TMEM243: variants seen among roughly 807,000 people sequenced by gnomAD.
TMEM243 encodes the protein transmembrane protein 243, also known as MDR1 and mitochondrial taxol resistance associated.
TMEM243 carries 20 observed loss-of-function variants against 15.0 expected under a neutral mutation model. That is an observed-to-expected ratio of 1.33 (90% CI 0.94 to 1.93). The LOEUF (loss-of-function observed/expected upper bound fraction) is 1.93, where lower values mean the gene tolerates loss of function less well. TMEM243 is among the 30% of genes most tolerant of loss of function. TMEM243 has a pLI of 0.00. For synonymous variants in TMEM243, 72 were observed against 52.7 expected, an observed-to-expected ratio of 1.37 and a Z score of -1.59; for missense variants, 156 against 142.1, an observed-to-expected ratio of 1.10 and a Z score of -0.50.
intron 1 of TMEM243, among the ~76,000 whole-genome samples, chr7:87,209,055 TG>T (rs1042774089): frequency 6.6e-6 from 1 of 152,224 alleles, no homozygotes; most frequent in African/African-American, 2.4e-5. Flanking sequence ...TTATTTTGGG[TG>T]GACTGCCCCT....
intron 1 of TMEM243, among the ~76,000 whole-genome samples, chr7:87,209,308 G>C (rs1366529080): frequency 6.6e-6 from 1 of 151,810 alleles, no homozygotes; most frequent in Admixed American, 6.6e-5. Context: ...ATGAGGGGGT[G>C]GGAAAGGGTG....
intron 2 of TMEM243, 181 bp from the exon 3 acceptor site, chr7:87,198,226 T>A (rs530924705): frequency 3.9e-5 from 20 of 506,980 alleles, no homozygotes; most frequent in South Asian, 1.7e-4. Flanking sequence ...TTTTAGTACT[T>A]CTTTTCTAAA....
intron 1 of TMEM243, among the ~76,000 whole-genome samples, chr7:87,210,344 T>A (rs1347298108): frequency 1.3e-5 from 2 of 152,160 alleles, no homozygotes; most frequent in African/African-American, 4.8e-5. Flanking sequence ...AAACCAATCA[T>A]GCCTTCCCAA....
chr7:87,197,201 C>T (rs769990303), intron 3 of TMEM243, among the ~76,000 whole-genome samples: 9 of 152,054 alleles, frequency 5.9e-5, no homozygotes, highest in Non-Finnish European at 1.0e-4. Context: ...GGAAAGCTCC[C>T]AAAGTGGGAT....
intron 1 of TMEM243, among the ~76,000 whole-genome samples, chr7:87,207,774 C>A (rs150947273): frequency 1.3e-5 from 2 of 152,304 alleles, no homozygotes; most frequent in South Asian, 2.1e-4. Flanking sequence ...GACAGCATCG[C>A]AGGGAGTCCT....
chr7:87,220,008 G>A (rs2129243717), upstream of TMEM243, among the ~76,000 whole-genome samples: 1 of 152,352 alleles, frequency 6.6e-6, no homozygotes, highest in Non-Finnish European at 1.5e-5. Flanking sequence ...ATGTTCAAGG[G>A]AGAAAAAGTT....
At chr7:87,200,007 C>T in intron 1 of TMEM243, among the ~76,000 whole-genome samples, 1 of 152,038 alleles carries the variant, frequency 6.6e-6, no homozygotes, top group East Asian at 1.9e-4. Context: ...GAACATGCCG[C>T]CAATAAACAA....
intron 1 of TMEM243, among the ~76,000 whole-genome samples, chr7:87,218,397 G>C (rs1211333372): frequency 6.6e-6 from 1 of 152,176 alleles, no homozygotes; most frequent in African/African-American, 2.4e-5. Context: ...AAAAAATAAA[G>C]TAGTCCTGTG....
chr7:87,196,856 A>G (rs1158079801), intron 3 of TMEM243, 98 bp from the exon 4 acceptor site: 2 of 809,934 alleles, frequency 2.5e-6, no homozygotes, highest in Admixed American at 2.9e-5. Flanking sequence ...CCCCTAAATG[A>G]GACAGACATT....
At position 87,217,531 on chromosome 7, in the gene TMEM243, T is replaced by C. The variant is rs148594113; in HGVS notation, c.78+1895A>G. ...CTCTCAGATGTGGCATCTCCATTTA[T>C]AAGATACATGTTTTCTCCCACCTCA... On this transcript the variant is annotated intron_variant, in intron 1 of 3. Coordinates refer to ENST00000257637, the MANE Select transcript of TMEM243 (RefSeq NM_024315.4). 1.3e-3 allele frequency among the ~76,000 whole-genome samples: 195 copies of C among 152,354 alleles called. No homozygotes were observed. The South Asian group carries it at 0.013, about 10-fold the overall frequency.
chr7:87,196,505 ATT>A lies in TMEM243; in HGVS notation c.*129_*130del, dbSNP rs869135806. On this transcript the variant is annotated 3_prime_UTR_variant, in exon 4 of 4. Transcript: ENST00000257637. ...GTCTCCCTTGCAAGAGGGAATTAAC[ATT>A]TACAATTAACATGAAAATCATGTAT... The A allele has an allele frequency of 3.0e-5, 28 of 947,864 alleles. No individual in the cohort carries two copies. Among genetic ancestry groups the A allele is most frequent in the African/African-American group, 2.8e-4 (16 of 57,586 alleles). The allele number at this position is 947,864 out of a possible 1,614,324, so 58.7% of individuals were successfully genotyped here. A position where few individuals can be genotyped will look rare whatever the true frequency, so the allele number is the denominator to read the frequency against.
chr7:87,204,810 G>C (rs1802086497), intron 1 of TMEM243, among the ~76,000 whole-genome samples: 1 of 152,214 alleles, frequency 6.6e-6, no homozygotes, highest in South Asian at 2.1e-4. Flanking sequence ...CTGGAGGATG[G>C]TGGCCTTCTC....
chr7:87,210,225 C>G (rs1802648427), intron 1 of TMEM243, among the ~76,000 whole-genome samples: 1 of 152,114 alleles, frequency 6.6e-6, no homozygotes, highest in African/African-American at 2.4e-5. Context: ...CTCCCTGCCC[C>G]TCAACATGTG....
At chr7:87,210,023 G>A (rs1802629134) in intron 1 of TMEM243, among the ~76,000 whole-genome samples, 1 of 107,048 alleles carries the variant, frequency 9.3e-6, no homozygotes, top group South Asian at 4.7e-4. Flanking sequence ...AGAGAGGAGG[G>A]GGAGGAGGTG....
At chr7:87,202,712 C>T (rs1207466799) in intron 1 of TMEM243, among the ~76,000 whole-genome samples, 2 of 152,132 alleles carry the variant, frequency 1.3e-5, no homozygotes, top group African/African-American at 4.8e-5. Context: ...TCTAACAGTC[C>T]TAAAACTAAT....
Position 87,205,936 on chromosome 7 carries a change from G to A in TMEM243, c.79-6879C>T, listed in dbSNP as rs1036471917. On this transcript the variant is annotated intron_variant, in intron 1 of 3. Transcript: ENST00000257637. The stretch of plus-strand genomic sequence containing the variant: ...CTGGTACCAATTTATGTATTAGCCC[G>A]TTTTCACACTGCTGATAAAGACATA... 1.1e-3 allele frequency among the ~76,000 whole-genome samples: 164 copies of A among 152,114 alleles called. 1 individual carries two copies. The highest frequency in any genetic ancestry group is 3.8e-3 in the African/African-American group (157 of 41,488).
Position 87,196,185 on chromosome 7 carries a change from A to G in TMEM243, c.*451T>C, listed in dbSNP as rs886656457. 6.5e-6 allele frequency: 1 copy of G among 153,738 alleles called. No homozygotes were observed. Among genetic ancestry groups the G allele is most frequent in the African/African-American group, 2.4e-5 (1 of 41,450 alleles). The allele number at this position is 153,738 out of a possible 1,614,324, so 9.5% of individuals were successfully genotyped here. The stretch of plus-strand genomic sequence containing the variant: ...CCTTGTATAAATTATTTTATTTATT[A>G]TTGTAATTAGATCTTCACAAAGTTG... On this transcript the variant is annotated 3_prime_UTR_variant, in exon 4 of 4. Transcript: ENST00000257637.
At chr7:87,208,905 C>T (rs1029216399) in intron 1 of TMEM243, among the ~76,000 whole-genome samples, 1 of 152,254 alleles carries the variant, frequency 6.6e-6, no homozygotes, top group African/African-American at 2.4e-5. Context: ...TGGGTGATGG[C>T]CCTGGCCATA....
At chr7:87,211,782 A>G (rs1427821282) in intron 1 of TMEM243, among the ~76,000 whole-genome samples, 6 of 152,196 alleles carry the variant, frequency 3.9e-5, no homozygotes, top group Non-Finnish European at 8.8e-5. Flanking sequence ...ACTAGAGACA[A>G]CCGGAGGTAT....
Sources: gnomAD v4.1 joint callset for allele counts (sites outside exome capture counted in the v4.1 genomes callset) on GRCh38, gnomAD v4.1.1 for gene constraint, MANE v1.5 for transcripts, NCBI Gene and HGNC (gene_info 2026-07-23, HGNC 2026-07-21) for gene names.